RYR2: variants seen among roughly 807,000 people sequenced by gnomAD.
RYR2 encodes ryanodine receptor 2, also known as cardiac muscle ryanodine receptor-calcium release channel.
A neutral mutation model predicts 601.1 loss-of-function variants in RYR2; 227 were observed. The ratio of observed to expected loss-of-function variants is 0.38; its 90% CI spans 0.34 to 0.42. RYR2 has a LOEUF of 0.42. Ranked by LOEUF, RYR2 falls within the 10% of genes least tolerant of loss-of-function variation. The pLI, the probability that RYR2 is intolerant of heterozygous loss-of-function variation, is 1.00. For missense variants in RYR2, 4,646 were observed against 6,156.5 expected (o/e 0.75, Z 8.21); for synonymous variants, 2,223 against 2,175.1 (o/e 1.02, Z -0.61).
intron 1 of RYR2, among the ~76,000 whole-genome samples, chr1:237,066,968 A>T (rs1663719513): frequency 6.6e-6 from 1 of 152,136 alleles, no homozygotes; most frequent in Non-Finnish European, 1.5e-5. Flanking sequence ...ATGTCTTTTC[A>T]TGTCGTTTGC....
intron 19 of RYR2, among the ~76,000 whole-genome samples, chr1:237,495,646 C>T (rs1663994085): frequency 6.6e-6 from 1 of 152,170 alleles, no homozygotes; most frequent in Non-Finnish European, 1.5e-5. Context: ...TATATGTCCA[C>T]TCCTAAAATG....
At chr1:237,328,603 A>T (rs2543039) in intron 2 of RYR2, among the ~76,000 whole-genome samples, 50,442 of 146,724 alleles carry the variant, frequency 0.34, 8,547 homozygotes, top group South Asian at 0.37. Context: ...AATTTTATTT[A>T]AAAAAAAAAA....
intron 29 of RYR2, among the ~76,000 whole-genome samples, chr1:237,582,724 A>G (rs949154469): frequency 2.0e-5 from 3 of 150,076 alleles, no homozygotes; most frequent in Non-Finnish European, 3.0e-5. Flanking sequence ...GGCTGCATCT[A>G]TGTAGCTGCA....
At chr1:237,477,390 A>G (rs901190195) in intron 17 of RYR2, among the ~76,000 whole-genome samples, 2 of 151,892 alleles carry the variant, frequency 1.3e-5, no homozygotes, top group South Asian at 4.1e-4. Flanking sequence ...ACTCCGTCTC[A>G]AAAAAAAGAA....
At chr1:237,813,225 A>C (rs934122389) in intron 100 of RYR2, among the ~76,000 whole-genome samples, 32 of 152,220 alleles carry the variant, frequency 2.1e-4, no homozygotes, top group African/African-American at 7.2e-4. Flanking sequence ...CATTGCCTGC[A>C]GTGACTTCCA....
intron 24 of RYR2, among the ~76,000 whole-genome samples, chr1:237,518,194 TATA>T (rs1292966099): frequency 1.3e-5 from 2 of 152,156 alleles, no homozygotes; most frequent in African/African-American, 4.8e-5. Flanking sequence ...CACCTGAAAT[TATA>T]ATATCCTCCC....
intron 80 of RYR2, among the ~76,000 whole-genome samples, chr1:237,746,635 A>T (rs569441082): frequency 5.1e-4 from 77 of 152,280 alleles, no homozygotes; most frequent in African/African-American, 1.8e-3. Flanking sequence ...ATAGGTAAAT[A>T]TGCTTTCCTG....
intron 60 of RYR2, among the ~76,000 whole-genome samples, chr1:237,675,903 CT>C (rs965846892): frequency 6.6e-6 from 1 of 152,112 alleles, no homozygotes; most frequent in African/African-American, 2.4e-5. Flanking sequence ...TCTTTGAGCC[CT>C]TCTTTTTCTT....
rs369917806 is a variant in RYR2 at position 237,784,849 on chromosome 1, C to A, written c.13137C>A (p.Ile4379=). 309 of 1,613,924 alleles carry A rather than the reference C, an allele frequency of 1.9e-4. No individual in the cohort carries two copies. The highest frequency in any genetic ancestry group is 6.6e-4 in the Middle Eastern group (4 of 6,062). Residue 4379 remains isoleucine, a synonymous_variant, in exon 90 of 105, where the codon ATC becomes ATA. Transcript: ENST00000366574. This position sits in a 1 kb window ranked among gnomAD's most constrained non-coding sequence, Gnocchi z 7.1. The stretch of plus-strand genomic sequence containing the variant: ...AGGAAAGTGACCTTCTTTCGGACAT[C>A]TTTGGCCTGGATCTGAAGAGAGAAG... ...LTEESDLLSD[I]FGLDLKREGG...
At chr1:237,757,644 T>C (rs1558353078) in intron 81 of RYR2, 53 bp from the exon 82 acceptor site, 1 of 1,162,406 alleles carries the variant, frequency 8.6e-7, no homozygotes, top group Admixed American at 1.7e-5. Flanking sequence ...GTAGAATAGG[T>C]TAATATAGAA....
chr1:237,492,299 T>G (rs1663448372), intron 18 of RYR2, among the ~76,000 whole-genome samples: 1 of 152,224 alleles, frequency 6.6e-6, no homozygotes, highest in Non-Finnish European at 1.5e-5. Flanking sequence ...CCCAAAATTC[T>G]GGGATTACAG....
At chr1:237,222,699 C>T (rs1683952327) in intron 1 of RYR2, among the ~76,000 whole-genome samples, 1 of 152,104 alleles carries the variant, frequency 6.6e-6, no homozygotes, top group Non-Finnish European at 1.5e-5. Flanking sequence ...GGGGAAATTT[C>T]CTACTAGTAG....
intron 25 of RYR2, 107 bp downstream of exon 25, chr1:237,530,617 ATT>A: frequency 1.0e-6 from 1 of 955,568 alleles, no homozygotes. Flanking sequence ...AAGCTTTAAA[ATT>A]CAGATTCAAG....
chr1:237,795,850 GTATATGTATATATATATA>G (rs1229656520), intron 96 of RYR2, among the ~76,000 whole-genome samples: 8 of 61,646 alleles, frequency 1.3e-4, no homozygotes, highest in African/African-American at 3.7e-4. Context: ...ATATATATAT[GTATATGTATATATATATA>G]TATATACACA....
At position 237,791,456 on chromosome 1, in the gene RYR2, A is replaced by C. The variant is rs876657985; in HGVS notation, c.13504A>C (p.Met4502Leu). The C allele has an allele frequency of 5.7e-6, 9 of 1,578,828 alleles. No homozygotes were observed. Among genetic ancestry groups the C allele is most frequent in the Non-Finnish European group, 7.8e-6 (9 of 1,158,776 alleles). Reference sequence around the variant, plus strand: ...CTATTTTGCTCGCAACTTTTACAACATGAGAATGTTAGCCTTATTTGTCGC... The same window carrying C: ...CTATTTTGCTCGCAACTTTTACAACCTGAGAATGTTAGCCTTATTTGTCGC... ...LNYFARNFYN[M>L]RMLALFVAFA... The change falls in exon 93 of 105, where the codon ATG becomes CTG. Residue 4502 changes from methionine (M) to leucine (L), a missense_variant. Met to Leu is a conservative substitution (Grantham distance 15). This residue lies in a region of RYR2 where 364 missense variants were observed against 442.9 expected (regional missense o/e 0.82). Transcript: ENST00000366574.
chr1:237,681,694 G>C (rs1685897988), intron 62 of RYR2, among the ~76,000 whole-genome samples: 1 of 152,194 alleles, frequency 6.6e-6, no homozygotes, highest in Non-Finnish European at 1.5e-5. Context: ...TTTCCAAGAT[G>C]TGAATTTCCA....
chr1:237,471,880 C>G (rs1660766543), intron 17 of RYR2, among the ~76,000 whole-genome samples: 1 of 151,884 alleles, frequency 6.6e-6, no homozygotes, highest in Non-Finnish European at 1.5e-5. Context: ...TATATTTAAT[C>G]TAACATTCTT....
chr1:237,517,670 T>G (rs2147828655), intron 24 of RYR2, among the ~76,000 whole-genome samples: 1 of 152,218 alleles, frequency 6.6e-6, no homozygotes, highest in South Asian at 2.1e-4. Context: ...TAGAGCAGAT[T>G]TAGGTTCTCA....
chr1:237,621,775 G>A (rs1165987488), intron 38 of RYR2, among the ~76,000 whole-genome samples: 1 of 152,108 alleles, frequency 6.6e-6, no homozygotes, highest in African/African-American at 2.4e-5. Flanking sequence ...AGGATCGTAT[G>A]GGAATACATG....
Sources: allele counts gnomAD v4.1 joint callset (sites outside exome capture counted in the v4.1 genomes callset), GRCh38; gene constraint gnomAD v4.1.1; regional missense constraint gnomAD v4.1.1; non-coding constraint Gnocchi (gnomAD v3.1); transcripts MANE v1.5; gene names NCBI Gene and HGNC (gene_info 2026-07-23, HGNC 2026-07-21).